Variants in APBB1IP observed in about 807,000 individuals in gnomAD.
APBB1IP encodes the protein amyloid beta A4 precursor protein-binding family B member 1-interacting protein.
In APBB1IP, 27 loss-of-function variants were observed where a neutral mutation model predicts 64.9. The observed-to-expected ratio is 0.42, with a 90% CI of 0.31 to 0.57. The LOEUF (loss-of-function observed/expected upper bound fraction) is 0.57, where lower values mean the gene tolerates loss of function less well. Ranked by LOEUF, APBB1IP falls within the 20% of genes least tolerant of loss-of-function variation. The pLI is 0.20. For missense variants in APBB1IP, 812 were observed against 845.5 expected, an observed-to-expected ratio of 0.96 and a Z score of 0.49; for synonymous variants, 392 against 331.0, an observed-to-expected ratio of 1.18 and a Z score of -2.00.
chr10:26,508,790 T>C (rs1228055477), intron 6 of APBB1IP, among the ~76,000 whole-genome samples: 1 of 152,196 alleles, frequency 6.6e-6, no homozygotes, highest in Non-Finnish European at 1.5e-5. Context: ...TGGACATTCA[T>C]AAGTACGTGT....
chr10:26,472,691 C>T (rs944151362), intron 2 of APBB1IP, among the ~76,000 whole-genome samples: 14 of 152,160 alleles, frequency 9.2e-5, no homozygotes, highest in African/African-American at 3.4e-4. Context: ...AATCCCAGCA[C>T]TCCGGGAGGC....
intron 2 of APBB1IP, among the ~76,000 whole-genome samples, chr10:26,450,941 CCG>C (rs1835458782): frequency 6.6e-6 from 1 of 151,962 alleles, no homozygotes; most frequent in Non-Finnish European, 1.5e-5. Flanking sequence ...GGAGATCCAC[CCG>C]CCTCGTCCTC....
At chr10:26,462,535 A>T (rs1835605153) in intron 2 of APBB1IP, among the ~76,000 whole-genome samples, 1 of 152,204 alleles carries the variant, frequency 6.6e-6, no homozygotes, top group Admixed American at 6.5e-5. Flanking sequence ...AACTTAGTGA[A>T]TTATTCTGAT....
chr10:26,558,893 G>C (rs1412809398), intron 11 of APBB1IP, among the ~76,000 whole-genome samples: 1 of 152,180 alleles, frequency 6.6e-6, no homozygotes. Context: ...CTCCTGGAAG[G>C]CCTGTTCAGC....
chr10:26,471,456 C>G (rs1163643663), intron 2 of APBB1IP, among the ~76,000 whole-genome samples: 1 of 152,112 alleles, frequency 6.6e-6, no homozygotes, highest in Non-Finnish European at 1.5e-5. Flanking sequence ...TCAGTAGCAT[C>G]TTTGAGGAGG....
intron 11 of APBB1IP, among the ~76,000 whole-genome samples, chr10:26,559,201 A>G (rs1051351425): frequency 2.6e-5 from 4 of 152,338 alleles, no homozygotes; most frequent in East Asian, 1.9e-4. Context: ...GGATAGAGAC[A>G]AGATAGAGGT....
chr10:26,549,006 A>T (rs1475489505), intron 11 of APBB1IP, among the ~76,000 whole-genome samples: 2 of 152,156 alleles, frequency 1.3e-5, no homozygotes, highest in Non-Finnish European at 1.5e-5. Flanking sequence ...ATTACGTTGA[A>T]GTATGTTTCT....
At chr10:26,530,084 A>G (rs868813451) in intron 8 of APBB1IP, among the ~76,000 whole-genome samples, 50 of 152,178 alleles carry the variant, frequency 3.3e-4, no homozygotes, top group African/African-American at 1.2e-3. Context: ...ATTGGGTCAC[A>G]TCTTTTGTTA....
intron 11 of APBB1IP, among the ~76,000 whole-genome samples, chr10:26,542,082 A>G (rs1836704275): frequency 6.6e-6 from 1 of 152,232 alleles, no homozygotes; most frequent in Non-Finnish European, 1.5e-5. Context: ...GCCAAAAAAA[A>G]GTTGTTTTAA....
intron 2 of APBB1IP, among the ~76,000 whole-genome samples, chr10:26,484,698 T>G (rs1045379280): frequency 7.2e-5 from 11 of 152,192 alleles, no homozygotes; most frequent in African/African-American, 2.7e-4. Flanking sequence ...ATTACATATT[T>G]CACTTAATAT....
chr10:26,445,100 A>AG (rs1184702714), intron 2 of APBB1IP, among the ~76,000 whole-genome samples: 2 of 143,752 alleles, frequency 1.4e-5, no homozygotes, highest in African/African-American at 5.2e-5. Flanking sequence ...CTGTCAAAAA[A>AG]AAAAAAGAGG....
In APBB1IP at chr10:26,560,813, C is replaced by A; in HGVS notation, c.1338C>A (p.Val446=). The A allele has an allele frequency of 1.2e-6, 2 of 1,601,962 alleles. No individual in the cohort carries two copies. Among genetic ancestry groups the A allele is most frequent in the Non-Finnish European group, 8.5e-7 (1 of 1,173,798 alleles). The change falls in exon 13 of 15, where the codon GTC becomes GTA. Residue 446 remains valine, a synonymous_variant. Coordinates refer to ENST00000376236, the MANE Select transcript of APBB1IP (RefSeq NM_019043.4). ...LASRWTNLGT[V]NAAAPAQPST... ...CTCGGTGGACAAACTTGGGGACAGT[C>A]AATGCAGCTGCACCAGCTCAGCCAT...
intron 11 of APBB1IP, 173 bp downstream of exon 11, chr10:26,541,865 TC>T: frequency 1.9e-6 from 1 of 517,750 alleles, no homozygotes; most frequent in Non-Finnish European, 3.3e-6. Context: ...CCCCAAAGCC[TC>T]CTATCTGAAC....
chr10:26,471,159 C>T (rs983161881), intron 2 of APBB1IP, among the ~76,000 whole-genome samples: 2 of 152,060 alleles, frequency 1.3e-5, no homozygotes, highest in Non-Finnish European at 2.9e-5. Context: ...AGTGTCAGGG[C>T]TGGGTTTTGA....
Position 26,513,615 on chromosome 10 carries a change from A to G in APBB1IP, c.768A>G (p.Leu256=), listed in dbSNP as rs775262423. 1.2e-6 allele frequency: 2 copies of G among 1,613,352 alleles called. No individual in the cohort carries two copies. Among genetic ancestry groups the G allele is most frequent in the Non-Finnish European group, 1.7e-6 (2 of 1,179,780 alleles). Residue 256 remains leucine, a synonymous_variant, in exon 8 of 15, where the codon CTA becomes CTG. Coordinates refer to ENST00000376236, the MANE Select transcript of APBB1IP (RefSeq NM_019043.4). The part of the protein sequence containing the change: ...DWTRDTENKI[L]FLEKEEKYAV... ...CAAGAGACACAGAAAATAAAATACT[A>G]TTTTTGGAGAAAGAGGAGAAATATG...
chr10:26,476,993 G>A (rs543596551), intron 2 of APBB1IP, among the ~76,000 whole-genome samples: 352 of 152,136 alleles, frequency 2.3e-3, no homozygotes, highest in Non-Finnish European at 3.9e-3. Context: ...TAGAGGCGGG[G>A]TTTCACCATA....
chr10:26,465,781 A>AT (rs1330796423), intron 2 of APBB1IP, among the ~76,000 whole-genome samples: 4 of 152,216 alleles, frequency 2.6e-5, no homozygotes, highest in Non-Finnish European at 5.9e-5. Flanking sequence ...CTTCACTTGC[A>AT]CAATGAGGAT....
Position 26,542,863 on chromosome 10 carries a change from C to G in APBB1IP, c.1155+1171C>G, listed in dbSNP as rs143019317. On this transcript the variant is annotated intron_variant, in intron 11 of 14. Coordinates refer to ENST00000376236, the MANE Select transcript of APBB1IP (RefSeq NM_019043.4). The stretch of plus-strand genomic sequence containing the variant: ...TAGCTCAGTCAGCCTGATACTCCCC[C>G]AGTGGTTCTCAACCAGGCATTTTGC... Among the ~76,000 whole-genome samples, 569 of 151,334 alleles carry G rather than the reference C, an allele frequency of 3.8e-3. 3 individuals carry two copies. The highest frequency in any genetic ancestry group is 0.013 in the African/African-American group (552 of 41,140).
At chr10:26,551,161 A>G (rs1297352500) in intron 11 of APBB1IP, among the ~76,000 whole-genome samples, 1 of 152,086 alleles carries the variant, frequency 6.6e-6, no homozygotes, top group African/African-American at 2.4e-5. Context: ...GCCACTGCCA[A>G]ATTTGTCCAC....
Sources: gnomAD v4.1 joint callset for allele counts (sites outside exome capture counted in the v4.1 genomes callset) on GRCh38, gnomAD v4.1.1 for gene constraint, MANE v1.5 for transcripts, NCBI Gene and HGNC (gene_info 2026-07-23, HGNC 2026-07-21) for gene names.